The following ZNF420 variants were observed in gnomAD, a reference collection of about 807,000 sequenced individuals.
ZNF420 encodes the protein ATM and p53-associated KZNF protein.
ZNF420 carries 31 observed loss-of-function variants against 44.7 expected under a neutral mutation model. The observed-to-expected ratio is 0.69, with a 90% CI of 0.52 to 0.94. ZNF420 has a LOEUF of 0.94. Among genes scored for constraint, ZNF420 ranks in the 40% least tolerant of loss-of-function variants. The pLI is 0.00. For synonymous variants in ZNF420, 245 were observed against 267.4 expected (o/e 0.92, Z 0.82); for missense variants, 681 against 827.9 (o/e 0.82, Z 2.18).
intron 4 of ZNF420, among the ~76,000 whole-genome samples, chr19:37,116,798 G>A (rs894539890): frequency 1.3e-5 from 2 of 152,306 alleles, no homozygotes; most frequent in South Asian, 4.1e-4. Flanking sequence ...AGCACACCAG[G>A]AGATTATATC....
intron 4 of ZNF420, among the ~76,000 whole-genome samples, chr19:37,112,035 T>C (rs1353496317): frequency 6.6e-6 from 1 of 152,004 alleles, no homozygotes; most frequent in Non-Finnish European, 1.5e-5. Flanking sequence ...TGATTGTTAC[T>C]TTGCTAATAA....
intron 4 of ZNF420, chr19:37,114,913 G>A (rs1380820685): frequency 3.3e-5 from 5 of 152,456 alleles, no homozygotes; most frequent in Admixed American, 2.0e-4. Context: ...AAAGTTCCCC[G>A]TTCTAGAAAC....
chr19:37,011,886 G>A (rs2074571980), intron 1 of ZNF420, among the ~76,000 whole-genome samples: 1 of 152,172 alleles, frequency 6.6e-6, no homozygotes, highest in South Asian at 2.1e-4. Flanking sequence ...CTTCTTGCAG[G>A]AGCCCCAGGG....
chr19:37,024,534 C>G (rs1967115396), intron 1 of ZNF420, among the ~76,000 whole-genome samples: 1 of 152,054 alleles, frequency 6.6e-6, no homozygotes, highest in African/African-American at 2.4e-5. Flanking sequence ...ACTGCAACCG[C>G]CACCTCCCAG....
intron 1 of ZNF420, among the ~76,000 whole-genome samples, chr19:37,057,633 G>C (rs1599622994): frequency 6.6e-6 from 1 of 152,110 alleles, no homozygotes; most frequent in African/African-American, 2.4e-5. Flanking sequence ...CCTGGGTCAT[G>C]TGGCCGGTTG....
intron 4 of ZNF420, among the ~76,000 whole-genome samples, chr19:37,105,029 TTTGTTGC>T (rs1161134607): frequency 5.9e-5 from 9 of 152,192 alleles, no homozygotes; most frequent in Non-Finnish European, 1.3e-4. Context: ...AATTTTGGCT[TTTGTTGC>T]CATTGCTTTT....
chr19:37,078,110 C>T (rs1968210761), upstream of ZNF420: 1 of 152,892 alleles, frequency 6.5e-6, no homozygotes, highest in Non-Finnish European at 1.5e-5. Flanking sequence ...GCCTGGCCGG[C>T]GGGTCCCACC....
chr19:37,012,303 G>A (rs181963776), intron 1 of ZNF420, among the ~76,000 whole-genome samples: 2 of 152,380 alleles, frequency 1.3e-5, no homozygotes, highest in Non-Finnish European at 2.9e-5. Flanking sequence ...ACTTCCAGGA[G>A]CGGAGCGCGA....
chr19:37,121,276 G>C (rs1971017762), intron 4 of ZNF420, among the ~76,000 whole-genome samples: 1 of 146,344 alleles, frequency 6.8e-6, no homozygotes, highest in African/African-American at 2.6e-5. Flanking sequence ...CCAAAACAGA[G>C]ATATAGATCA....
chr19:37,128,524 C>T lies in ZNF420; in HGVS notation c.1533C>T (p.Ala511=). 6.2e-7 allele frequency: 1 copy of T among 1,613,552 alleles called. No homozygotes were observed. Among genetic ancestry groups the T allele is most frequent in the Non-Finnish European group, 8.5e-7 (1 of 1,179,852 alleles). The change falls in exon 5 of 5, where the codon GCC becomes GCT. Residue 511 remains alanine (A), a synonymous_variant. Transcript: ENST00000337995. ...KPYECKECRM[A]FTQSSHLSQH... is the part of the protein sequence containing the mutation. Reference sequence around the variant, plus strand: ...ATGAATGTAAAGAATGTAGAATGGCCTTTACTCAGAGTTCACATCTTTCCC... The same window carrying T: ...ATGAATGTAAAGAATGTAGAATGGCTTTTACTCAGAGTTCACATCTTTCCC...
intron 1 of ZNF420, among the ~76,000 whole-genome samples, chr19:37,048,400 A>T (rs978889041): frequency 7.9e-5 from 12 of 152,208 alleles, no homozygotes; most frequent in Non-Finnish European, 1.0e-4. Context: ...AAGACAACCA[A>T]AAAGAAATAT....
chr19:37,087,488 A>G (rs986294822), intron 2 of ZNF420, among the ~76,000 whole-genome samples: 3 of 152,064 alleles, frequency 2.0e-5, no homozygotes, highest in Non-Finnish European at 4.4e-5. Flanking sequence ...GCAGAAATCT[A>G]TATGTTGAAG....
chr19:37,124,231 TC>T (rs1971222151), intron 4 of ZNF420, among the ~76,000 whole-genome samples: 1 of 152,356 alleles, frequency 6.6e-6, no homozygotes, highest in South Asian at 2.1e-4. Context: ...TTAAGATTTA[TC>T]CATATTGTTG....
chr19:37,071,173 G>A (rs553355083), intron 1 of ZNF420, among the ~76,000 whole-genome samples: 111 of 152,234 alleles, frequency 7.3e-4, no homozygotes, highest in Non-Finnish European at 1.8e-4. Flanking sequence ...AAACTTTGAA[G>A]CAACTCACAT....
intron 3 of ZNF420, 143 bp downstream of exon 3, chr19:37,089,270 TAGTGTCTTCCCTA>T (rs1969000249): frequency 1.3e-6 from 1 of 753,232 alleles, no homozygotes; most frequent in Non-Finnish European, 2.4e-6. Flanking sequence ...TGATAAGTGA[TAGTGTCTTCCCTA>T]AGTGTGTCTT....
chr19:37,023,409 G>A (rs1000673904), intron 1 of ZNF420, among the ~76,000 whole-genome samples: 4 of 151,550 alleles, frequency 2.6e-5, no homozygotes, highest in African/African-American at 7.3e-5. Flanking sequence ...TCTGTCGCCC[G>A]TGCTGGAGTG....
At chr19:37,022,329 T>G (rs1243285000) in intron 1 of ZNF420, among the ~76,000 whole-genome samples, 1 of 152,106 alleles carries the variant, frequency 6.6e-6, no homozygotes, top group Non-Finnish European at 1.5e-5. Flanking sequence ...TTGGTTAATT[T>G]CTAATGCATT....
chr19:37,011,832 G>T (rs938696751), intron 1 of ZNF420, among the ~76,000 whole-genome samples: 7 of 152,132 alleles, frequency 4.6e-5, no homozygotes, highest in African/African-American at 1.7e-4. Flanking sequence ...CTCCACCTTG[G>T]ACTCGCCCCT....
intron 4 of ZNF420, among the ~76,000 whole-genome samples, chr19:37,103,841 A>G (rs1198713855): frequency 6.6e-6 from 1 of 152,186 alleles, no homozygotes; most frequent in Non-Finnish European, 1.5e-5. Context: ...CTATCTTAAA[A>G]GGAAAAAAAA....
Sources: allele counts gnomAD v4.1 joint callset (sites outside exome capture counted in the v4.1 genomes callset), GRCh38; gene constraint gnomAD v4.1.1; transcripts MANE v1.5; gene names NCBI Gene and HGNC (gene_info 2026-07-23, HGNC 2026-07-21).